The following ARHGEF12 variants were observed in gnomAD, a reference collection of about 807,000 sequenced individuals.
ARHGEF12 encodes KMT2A/ARHGEF12 fusion protein.
In ARHGEF12, 66 loss-of-function variants were observed where a neutral mutation model predicts 211.2. That is an observed-to-expected ratio of 0.31 (90% CI 0.26 to 0.38). The LOEUF (loss-of-function observed/expected upper bound fraction) is 0.38, where lower values mean the gene tolerates loss of function less well. ARHGEF12 is among the 10% of genes least tolerant of loss of function. The probability of loss-of-function intolerance (pLI) is 1.00; values close to 1 mark genes in which losing one functional copy is unlikely to be tolerated. For missense variants in ARHGEF12, 1,429 were observed against 1,869.5 expected (o/e 0.76, Z 4.34); for synonymous variants, 592 against 638.4 (o/e 0.93, Z 1.09).
chr11:120,420,224 A>C (rs1945145366), intron 4 of ARHGEF12, among the ~76,000 whole-genome samples: 2 of 152,124 alleles, frequency 1.3e-5, no homozygotes, highest in Non-Finnish European at 2.9e-5. Flanking sequence ...TTTGGGGAAT[A>C]ACTTCAGGTA....
chr11:120,418,071 T>G (rs1945081871), intron 4 of ARHGEF12, among the ~76,000 whole-genome samples: 1 of 152,208 alleles, frequency 6.6e-6, no homozygotes, highest in Non-Finnish European at 1.5e-5. Context: ...TTTATTGAGG[T>G]AAAATTTACA....
intron 1 of ARHGEF12, among the ~76,000 whole-genome samples, chr11:120,351,471 TTTTTTTTTTTG>T (rs2135308128): frequency 5.2e-5 from 4 of 76,778 alleles, no homozygotes; most frequent in African/African-American, 2.2e-4. Context: ...TTTTTTTTTT[TTTTTTTTTTTG>T]AGACAAAGTC....
intron 12 of ARHGEF12, chr11:120,439,903 C>A: frequency 2.0e-5 from 9 of 456,180 alleles, no homozygotes; most frequent in East Asian, 7.4e-5. Context: ...GTGGTTTTTT[C>A]CCCCCAAAAA....
chr11:120,469,939 G>A (rs1386672734), intron 30 of ARHGEF12, among the ~76,000 whole-genome samples: 2 of 152,198 alleles, frequency 1.3e-5, no homozygotes, highest in African/African-American at 4.8e-5. Flanking sequence ...CCAAAATGAT[G>A]TGAAGGGTGC....
At chr11:120,385,543 G>A (rs1944003908) in intron 1 of ARHGEF12, 1 of 942,100 alleles carries the variant, frequency 1.1e-6, no homozygotes, top group Non-Finnish European at 1.3e-6. Context: ...CAAAATGGTA[G>A]AAAAATAGCT....
chr11:120,449,266 A>G (rs1184958041), intron 21 of ARHGEF12, 52 bp downstream of exon 21: 2 of 1,381,624 alleles, frequency 1.4e-6, no homozygotes, highest in East Asian at 2.3e-5. Context: ...CCCTCTTCAC[A>G]TCAGAGGCTT....
intron 33 of ARHGEF12, 71 bp from the exon 34 acceptor site, chr11:120,476,590 A>G: frequency 9.3e-7 from 1 of 1,069,668 alleles, no homozygotes; most frequent in South Asian, 1.7e-5. Context: ...GACTATTTCA[A>G]GACCCTAAAA....
At chr11:120,457,071 C>G in intron 22 of ARHGEF12, 47 bp from the exon 23 acceptor site, 1 of 1,584,152 alleles carries the variant, frequency 6.3e-7, no homozygotes, top group Non-Finnish European at 8.6e-7. Flanking sequence ...TGACCAGTGA[C>G]TTTATTAAGT....
intron 1 of ARHGEF12, among the ~76,000 whole-genome samples, chr11:120,392,213 G>A (rs7107211): frequency 0.41 from 62,328 of 151,948 alleles, 13,064 homozygotes; most frequent in African/African-American, 0.48. Context: ...TGTACTAGCT[G>A]TTTCCTTTAC....
rs1014557582 is a variant in ARHGEF12 at position 120,348,772 on chromosome 11, T to G, written c.32+11497T>G. Among the ~76,000 whole-genome samples the G allele has an allele frequency of 1.5e-4, 22 of 150,726 alleles. No homozygotes were observed. In the East Asian group the frequency reaches 3.9e-3, roughly 27 times the overall value. On this transcript the variant is annotated intron_variant, in intron 1 of 40. Coordinates refer to ENST00000397843, the MANE Select transcript of ARHGEF12 (RefSeq NM_015313.3). Reference sequence around the variant, plus strand: ...AGGAGAATCGCTTGAACCAGGGAGGTGGAGGTTCAAGCGAGCCAAGATCAT... The same window carrying G: ...AGGAGAATCGCTTGAACCAGGGAGGGGGAGGTTCAAGCGAGCCAAGATCAT...
chr11:120,384,393 G>A (rs1489256416), intron 1 of ARHGEF12, among the ~76,000 whole-genome samples: 2 of 152,152 alleles, frequency 1.3e-5, no homozygotes, highest in African/African-American at 2.4e-5. Context: ...AAAACAACAT[G>A]TTTTTCATTC....
At chr11:120,369,953 A>G (rs1443199237) in intron 1 of ARHGEF12, among the ~76,000 whole-genome samples, 5 of 152,166 alleles carry the variant, frequency 3.3e-5, no homozygotes, top group South Asian at 2.1e-4. Flanking sequence ...AGTAAACATC[A>G]TAGTAAACTT....
chr11:120,475,649 TAGAA>T (rs1947007700), intron 33 of ARHGEF12, 142 bp downstream of exon 33: 2 of 874,820 alleles, frequency 2.3e-6, no homozygotes, highest in Non-Finnish European at 3.3e-6. Context: ...ATTTACTGCT[TAGAA>T]AGAGACCTAA....
At chr11:120,461,660 C>G (rs1946536590) in intron 27 of ARHGEF12, among the ~76,000 whole-genome samples, 1 of 152,188 alleles carries the variant, frequency 6.6e-6, no homozygotes, top group Non-Finnish European at 1.5e-5. Context: ...GCATCTTCTT[C>G]CAATAGAAGG....
At chr11:120,404,362 A>G (rs1944628748) in intron 1 of ARHGEF12, among the ~76,000 whole-genome samples, 1 of 152,242 alleles carries the variant, frequency 6.6e-6, no homozygotes, top group Non-Finnish European at 1.5e-5. Context: ...ATAAGCATAT[A>G]TATACACACA....
At chr11:120,474,701 T>A in intron 32 of ARHGEF12, 66 bp downstream of exon 32, 1 of 1,282,846 alleles carries the variant, frequency 7.8e-7, no homozygotes, top group Non-Finnish European at 1.1e-6. Context: ...GAAAGTTTCC[T>A]ATGACAAAGG....
chr11:120,429,940 A>G, intron 10 of ARHGEF12, 109 bp downstream of exon 10: 2 of 1,220,364 alleles, frequency 1.6e-6, no homozygotes, highest in Non-Finnish European at 2.3e-6. Flanking sequence ...TTTCTAGCGT[A>G]GGACAACAGG....
At chr11:120,427,012 G>A (rs1473781191) in intron 7 of ARHGEF12, among the ~76,000 whole-genome samples, 4 of 152,122 alleles carry the variant, frequency 2.6e-5, no homozygotes, top group African/African-American at 9.7e-5. Context: ...TAGTAGCTGA[G>A]ACTACAGGCA....
rs1395592171 is a variant in ARHGEF12 at position 120,440,228 on chromosome 11, ACTTTTTT to A, written c.1092+12_1092+18del. ...TGGTACTGAACATGAACAGGTGATG[ACTTTTTT>A]CTTTCTAAAAAATAGATTGTTACTT... On this transcript the variant is annotated splice_region_variant and intron_variant, in intron 13 of 40. Transcript: ENST00000397843. 1.2e-6 allele frequency: 2 copies of A among 1,603,450 alleles called. No individual in the cohort carries two copies. The highest frequency in any genetic ancestry group is 1.7e-6 in the Non-Finnish European group (2 of 1,172,614).
Sources: gnomAD v4.1 joint callset for allele counts (sites outside exome capture counted in the v4.1 genomes callset) on GRCh38, gnomAD v4.1.1 for gene constraint, MANE v1.5 for transcripts, NCBI Gene and HGNC (gene_info 2026-07-23, HGNC 2026-07-21) for gene names.